Variants in TADA3 observed in about 807,000 individuals in gnomAD.
The protein encoded by TADA3 is transcriptional adapter 3.
TADA3 carries 25 observed loss-of-function variants against 43.2 expected under a neutral mutation model. That is an observed-to-expected ratio of 0.58 (90% CI 0.42 to 0.81). TADA3 has a LOEUF of 0.81. Among genes scored for constraint, TADA3 ranks in the 30% least tolerant of loss-of-function variants. The pLI is 0.00. For missense variants in TADA3, 441 were observed against 567.8 expected, an observed-to-expected ratio of 0.78 and a Z score of 2.27; for synonymous variants, 235 against 225.5, an observed-to-expected ratio of 1.04 and a Z score of -0.38.
At position 9,780,389 on chromosome 3, in the gene TADA3, G is replaced by A; in HGVS notation, c.1267C>T (p.Arg423Cys). 3.7e-6 allele frequency: 6 copies of A among 1,613,316 alleles called. No individual in the cohort carries two copies. Among genetic ancestry groups the A allele is most frequent in the South Asian group, 1.1e-5 (1 of 91,022 alleles). ...KDQAWKTLKE[R>C]ESILKLLDG ...TCCAGCAGCTTCAGGATGCTCTCAC[G>A]CTCCTTCAGAGTCTTCCAGGCCTGG... The change falls in exon 9 of 9, where the codon CGT (arginine) becomes TGT (cysteine). Residue 423 changes from arginine (R) to cysteine (C), a missense_variant. Transcript: ENST00000301964.
At chr3:9,781,312 AACAC>A (rs141783227) in intron 8 of TADA3, among the ~76,000 whole-genome samples, 5 of 151,100 alleles carry the variant, frequency 3.3e-5, no homozygotes, top group South Asian at 2.1e-4. Flanking sequence ...CACACACACA[AACAC>A]ACACACACAG....
upstream of TADA3, chr3:9,792,495 A>C: frequency 2.5e-6 from 3 of 1,208,786 alleles, no homozygotes; most frequent in Non-Finnish European, 3.1e-6. Context: ...GGCCCCTTGC[A>C]GTTGACGCGG....
chr3:9,781,964 G>A (rs2078479514), intron 8 of TADA3, among the ~76,000 whole-genome samples: 3 of 150,102 alleles, frequency 2.0e-5, no homozygotes, highest in African/African-American at 7.4e-5. Flanking sequence ...TCAGCCTCCT[G>A]AGTAGGACTA....
upstream of TADA3, chr3:9,792,708 A>G (rs1231200336): frequency 2.8e-5 from 34 of 1,233,770 alleles, no homozygotes; most frequent in Non-Finnish European, 2.9e-5. Flanking sequence ...AGCTGCGGGT[A>G]GGAGGGGCGA....
At position 9,780,355 on chromosome 3, in the gene TADA3, G is replaced by A. The variant is rs757244396; in HGVS notation, c.*2C>T. On this transcript the variant is annotated 3_prime_UTR_variant, in exon 9 of 9. Transcript: ENST00000301964. ...ATAATCAGCCTGAGGCAGGGGTGAG[G>A]GCTACCCATCCAGCAGCTTCAGGAT... is the stretch of plus-strand genomic sequence containing the variant. 8.7e-6 allele frequency: 14 copies of A among 1,611,174 alleles called. No homozygotes were observed. Among genetic ancestry groups the A allele is most frequent in the Admixed American group, 1.7e-5 (1 of 59,592 alleles).
At chr3:9,785,928 CCTT>C (rs779166853) in intron 6 of TADA3, among the ~76,000 whole-genome samples, 130 of 150,260 alleles carry the variant, frequency 8.7e-4, no homozygotes, top group African/African-American at 2.4e-3. Context: ...ACACACTCCT[CCTT>C]GTTTTGTTTT....
At chr3:9,784,726 A>G (rs1018274647) in intron 7 of TADA3, among the ~76,000 whole-genome samples, 9 of 151,908 alleles carry the variant, frequency 5.9e-5, no homozygotes, top group Non-Finnish European at 1.3e-4. Context: ...TGAGCCATAC[A>G]TGGTGGCAGG....
intron 6 of TADA3, among the ~76,000 whole-genome samples, 159 bp downstream of exon 6, chr3:9,786,847 T>G (rs1386426576): frequency 6.6e-6 from 1 of 152,254 alleles, no homozygotes; most frequent in African/African-American, 2.4e-5. Context: ...TTATATATTA[T>G]TCCCAATCTT....
intron 3 of TADA3, 41 bp downstream of exon 3, chr3:9,789,672 C>T: frequency 6.2e-7 from 1 of 1,609,624 alleles, no homozygotes; most frequent in South Asian, 1.1e-5. Flanking sequence ...CCTCCACCAC[C>T]AGAACCTTGA....
rs2078637567 is a variant in TADA3, at chr3:9,787,296, C to T, written c.609G>A (p.Glu203=). ...CATCCTTCTGCTCCTCCAGCAGGTC[C>T]TCCTGGGCCCAGCGCTGGGAGTAGT... ...GKHYSQRWAQ[E]DLLEEQKDGA... is the part of the protein sequence containing the mutation. Residue 203 remains glutamate (E), a synonymous_variant, in exon 5 of 9, where the codon GAG becomes GAA. Coordinates refer to ENST00000301964, the MANE Select transcript of TADA3 (RefSeq NM_006354.5). 6.2e-7 allele frequency: 1 copy of T among 1,614,096 alleles called. No individual in the cohort carries two copies. The highest frequency in any genetic ancestry group is 1.1e-5 in the South Asian group (1 of 91,082).
chr3:9,789,919 C>T lies in TADA3; in HGVS notation c.252G>A (p.Leu84=). 1.2e-6 allele frequency: 2 copies of T among 1,612,442 alleles called. No homozygotes were observed. Among genetic ancestry groups the T allele is most frequent in the East Asian group, 2.2e-5 (1 of 44,868 alleles). ...CAAGTTCATGGTCTCGACCCAGCTTCAGGAATCGTCTGTCACCTTTCTTAT... is the reference window on the plus strand; with the variant it reads ...CAAGTTCATGGTCTCGACCCAGCTTTAGGAATCGTCTGTCACCTTTCTTAT... The part of the protein sequence containing the change: ...WQDKKGDRRF[L]KLGRDHELGA... Residue 84 remains leucine, a synonymous_variant, in exon 3 of 9, where the codon CTG becomes CTA. Coordinates refer to ENST00000301964, the MANE Select transcript of TADA3 (RefSeq NM_006354.5).
Position 9,787,194 on chromosome 3 carries a change from C to CCTA in TADA3, c.706+2_706+4dup. ...CTGGGGTTGGCAGGGAGGTGAGAGG[C>CCTA]CTACCTTTAGTGTCCAGTTCGGTCA... On this transcript the variant is annotated splice_donor_region_variant and intron_variant, in intron 5 of 8. Transcript: ENST00000301964. The CCTA allele has an allele frequency of 6.2e-7, 1 of 1,614,196 alleles. No homozygotes were observed. Among genetic ancestry groups the CCTA allele is most frequent in the Non-Finnish European group, 8.5e-7 (1 of 1,180,042 alleles).
chr3:9,793,003 A>G, upstream of TADA3: 1 of 1,511,510 alleles, frequency 6.6e-7, no homozygotes, highest in Non-Finnish European at 8.8e-7. Flanking sequence ...CGCTCGGAGC[A>G]TAGATGGTAC....
At chr3:9,787,516 T>G (rs1033740620) in intron 4 of TADA3, 176 bp from the exon 5 acceptor site, 30 of 1,034,318 alleles carry the variant, frequency 2.9e-5, no homozygotes, top group Non-Finnish European at 3.7e-5. Context: ...CACACTCTAG[T>G]AAGGGAGACA....
intron 8 of TADA3, among the ~76,000 whole-genome samples, chr3:9,782,732 A>C (rs1283525326): frequency 6.7e-6 from 1 of 149,504 alleles, no homozygotes; most frequent in Admixed American, 6.8e-5. Flanking sequence ...CGGAGGTTGC[A>C]GTGAGCCGAG....
rs1258943361 is a variant in TADA3 at position 9,787,114 on chromosome 3, G to A, written c.707-5C>T. The A allele has an allele frequency of 1.2e-6, 2 of 1,614,190 alleles. No homozygotes were observed. The highest frequency in any genetic ancestry group is 2.2e-5 in the South Asian group (2 of 91,080). ...TCTTCAGCAGGGCATCCACATCTAA[G>A]CGGGCACAGGAAAGGAGGGGAGGTG... On this transcript the variant is annotated splice_polypyrimidine_tract_variant and splice_region_variant and intron_variant, in intron 5 of 8. Transcript: ENST00000301964.
At chr3:9,780,742 A>C (rs896580893) in intron 8 of TADA3, among the ~76,000 whole-genome samples, 193 bp from the exon 9 acceptor site, 2 of 152,058 alleles carry the variant, frequency 1.3e-5, no homozygotes, top group African/African-American at 2.4e-5. Context: ...ATATTAACTC[A>C]TGTTGATCAC....
intron 6 of TADA3, among the ~76,000 whole-genome samples, chr3:9,786,595 A>C (rs2078618538): frequency 6.6e-6 from 1 of 152,196 alleles, no homozygotes. Flanking sequence ...TCTGTAACAC[A>C]GCGTTAACCA....
chr3:9,786,042 C>G, intron 6 of TADA3, among the ~76,000 whole-genome samples: 1 of 152,042 alleles, frequency 6.6e-6, no homozygotes, highest in East Asian at 1.9e-4. Flanking sequence ...GGGTTCATGC[C>G]ATTCTCCTGC....
Sources: gnomAD v4.1 joint callset for allele counts (sites outside exome capture counted in the v4.1 genomes callset) on GRCh38, gnomAD v4.1.1 for gene constraint, MANE v1.5 for transcripts, NCBI Gene and HGNC (gene_info 2026-07-23, HGNC 2026-07-21) for gene names.